Variants in EP400 observed in about 807,000 individuals in gnomAD.
EP400 encodes the protein E1A-binding protein p400.
In EP400, 105 loss-of-function variants were observed where a neutral mutation model predicts 354.1. The ratio of observed to expected loss-of-function variants is 0.30; its 90% CI spans 0.25 to 0.35. The LOEUF (loss-of-function observed/expected upper bound fraction) is 0.35. EP400 is among the 10% of genes least tolerant of loss of function. The pLI, the probability that EP400 is intolerant of heterozygous loss-of-function variation, is 1.00. For synonymous variants in EP400, 1,646 were observed against 1,716.9 expected (o/e 0.96, Z 1.02); for missense variants, 3,280 against 4,121.0 (o/e 0.80, Z 5.59).
At chr12:131,967,648 C>G (rs1892148634) in intron 2 of EP400, among the ~76,000 whole-genome samples, 2 of 151,634 alleles carry the variant, frequency 1.3e-5, no homozygotes, top group Non-Finnish European at 2.9e-5. Flanking sequence ...CAAGATGGCA[C>G]CACTGCACTC....
At chr12:132,034,884 C>T (rs1373722976) in intron 30 of EP400, among the ~76,000 whole-genome samples, 1 of 152,054 alleles carries the variant, frequency 6.6e-6, no homozygotes, top group Non-Finnish European at 1.5e-5. Context: ...ACCGCCTGAC[C>T]CACACAGACC....
intron 2 of EP400, among the ~76,000 whole-genome samples, chr12:131,964,478 A>C (rs1394466167): frequency 6.6e-6 from 1 of 152,164 alleles, no homozygotes; most frequent in South Asian, 2.1e-4. Context: ...AAAACAAACA[A>C]ACAAACAAAC....
chr12:132,057,641 A>G (rs1895556761), intron 45 of EP400, among the ~76,000 whole-genome samples: 1 of 152,218 alleles, frequency 6.6e-6, no homozygotes, highest in Non-Finnish European at 1.5e-5. Flanking sequence ...AGTAGAATAT[A>G]TATACACACA....
In EP400 at chr12:132,025,726, C is replaced by T; in HGVS notation, c.4936C>T (p.Gln1646Ter). The T allele has an allele frequency of 6.2e-7, 1 of 1,613,112 alleles. No individual in the cohort carries two copies. Among genetic ancestry groups the T allele is most frequent in the Non-Finnish European group, 8.5e-7 (1 of 1,179,822 alleles). ...CCCTGTGGTGATGCAGACCGTGTCT[C>T]AGGCGGGCGCTGTGCACGGCGCCCT... ...PGPVVMQTVS[Q>*]AGAVHGALGS... is the part of the protein sequence containing the mutation. The change falls in exon 25 of 53, where the codon CAG becomes TAG. Residue 1646 changes from glutamine to a stop codon, truncating the protein, a stop_gained. Transcript: ENST00000389561. LOFTEE classifies it high-confidence loss of function. The surrounding 1 kb of genome is among the most constrained non-coding windows in gnomAD (Gnocchi z 4.1).
At chr12:131,991,134 TTTGCCTCTGAGGACACCC>T (rs1256526838) in intron 9 of EP400, among the ~76,000 whole-genome samples, 1 of 152,180 alleles carries the variant, frequency 6.6e-6, no homozygotes, top group Non-Finnish European at 1.5e-5. Flanking sequence ...CACTGTTTCC[TTTGCCTCTGAGGACACCC>T]CCAGGAGGGT....
intron 32 of EP400, among the ~76,000 whole-genome samples, chr12:132,039,705 G>A (rs960159592): frequency 5.9e-5 from 9 of 152,204 alleles, no homozygotes; most frequent in African/African-American, 1.9e-4. Context: ...GTTTTAAGGA[G>A]GTAATACATG....
rs971580238 is a variant in EP400, at chr12:132,077,873, T to C, written c.*200T>C. ...GGTCCTTATGGAGTGCCGCGTTCTC[T>C]GTACTACGTGGCTCATGGAAAAAGT... On this transcript the variant is annotated 3_prime_UTR_variant, in exon 53 of 53. Transcript: ENST00000389561. 2 of 703,282 alleles carry C rather than the reference T, an allele frequency of 2.8e-6. No individual in the cohort carries two copies. Among genetic ancestry groups the C allele is most frequent in the Middle Eastern group, 4.1e-4 (1 of 2,450 alleles). 43.6% of individuals were successfully genotyped at this position (703,282 alleles called of 1,614,324 possible).
rs1895830753 is a variant in EP400 at position 132,064,716 on chromosome 12, C to T, written c.8383C>T (p.Pro2795Ser). The T allele has an allele frequency of 1.2e-6, 2 of 1,613,722 alleles. No homozygotes were observed. Among genetic ancestry groups the T allele is most frequent in the Non-Finnish European group, 1.7e-6 (2 of 1,179,818 alleles). The change falls in exon 48 of 53, where the codon CCC becomes TCC. Residue 2795 changes from proline (P) to serine (S), a missense_variant. Pro to Ser is a moderately conservative substitution (Grantham distance 74, BLOSUM62 -1). Around this residue, in one of 20 missense-constraint regions of EP400, gnomAD observed 86 missense variants for 66.4 expected, o/e 1.29. Transcript: ENST00000389561. The part of the protein sequence containing the change: ...QKQKLQMPPQ[P>S]PPPQAQSAPP... ...GCAGAAACTGCAGATGCCCCCGCAG[C>T]CCCCACCGCCACAGGCCCAGTCTGC...
intron 1 of EP400, among the ~76,000 whole-genome samples, chr12:131,954,674 G>A (rs1017354229): frequency 2.4e-4 from 31 of 127,064 alleles, no homozygotes; most frequent in African/African-American, 8.9e-4. Context: ...GCAGTGAGCC[G>A]AAATCACGCC....
Position 131,961,625 on chromosome 12 carries a change from C to G in EP400, c.1006C>G (p.Leu336Val), listed in dbSNP as rs758109869. Reference protein sequence around the residue: ...AVPPGLSSLPLTSVGNTGMKK... With the variant: ...AVPPGLSSLPVTSVGNTGMKK... ...GCCCCCAGGCCTTTCCAGCCTCCCA[C>G]TCACGTCTGTGGGGAACACGGGAAT... is the stretch of plus-strand genomic sequence containing the variant. Residue 336 changes from leucine to valine, a missense_variant, in exon 2 of 53, where the codon CTC (leucine) becomes GTC (valine). Around this residue, in one of 20 missense-constraint regions of EP400, gnomAD observed 85 missense variants for 180.3 expected, o/e 0.47. Coordinates refer to ENST00000389561, the MANE Select transcript of EP400 (RefSeq NM_015409.5). 8.8e-6 allele frequency: 14 copies of G among 1,590,372 alleles called. No individual in the cohort carries two copies. The highest frequency in any genetic ancestry group is 7.9e-5 in the South Asian group (7 of 88,810).
rs368738754 is a variant in EP400, at chr12:132,045,134, A to G, written c.6784+181A>G. Among the ~76,000 whole-genome samples the G allele has an allele frequency of 4.6e-5, 7 of 152,342 alleles. No individual in the cohort carries two copies. The South Asian group carries it at 1.2e-3, about 27-fold the overall frequency. ...ACAGGTTATGTTGTTTCCAGTGAGG[A>G]AACCTTCGTGTTTCATTCTAATTGA... On this transcript the variant is annotated intron_variant, in intron 37 of 52. Transcript: ENST00000389561.
At chr12:132,031,598 G>A (rs1489257869) in intron 29 of EP400, among the ~76,000 whole-genome samples, 2 of 152,164 alleles carry the variant, frequency 1.3e-5, no homozygotes, top group East Asian at 1.9e-4. Flanking sequence ...CTGCTCTGTC[G>A]CCGAGGCTGG....
At chr12:131,966,340 A>G (rs1028589609) in intron 2 of EP400, among the ~76,000 whole-genome samples, 6 of 152,100 alleles carry the variant, frequency 3.9e-5, no homozygotes, top group Non-Finnish European at 5.9e-5. Flanking sequence ...TGGGAGGCCT[A>G]CATGGGTGGA....
In EP400 at chr12:131,960,609, G is replaced by A; in HGVS notation, c.-11G>A. 6.3e-7 allele frequency: 1 copy of A among 1,580,212 alleles called. No individual in the cohort carries two copies. Among genetic ancestry groups the A allele is most frequent in the Non-Finnish European group, 8.6e-7 (1 of 1,163,524 alleles). On this transcript the variant is annotated 5_prime_UTR_variant, in exon 2 of 53. Coordinates refer to ENST00000389561, the MANE Select transcript of EP400 (RefSeq NM_015409.5). ...GGAGAACGACACATTGGATACAGAAGGGAGGTGATCATGCACCATGGCACT... is the reference window on the plus strand; with the variant it reads ...GGAGAACGACACATTGGATACAGAAAGGAGGTGATCATGCACCATGGCACT...
chr12:131,999,542 G>C (rs965143838), intron 12 of EP400, among the ~76,000 whole-genome samples: 1 of 152,156 alleles, frequency 6.6e-6, no homozygotes, highest in East Asian at 1.9e-4. Flanking sequence ...GGGTTCAAGC[G>C]ATTCTCCTGC....
At position 131,978,918 on chromosome 12, in the gene EP400, T is replaced by C. The variant is rs118145583; in HGVS notation, c.1336-776T>C. ...TAGGGTGCTAACTATAAAAATATCC[T>C]TTTAAAGCTCTAAGTTGGCTGGGTG... On this transcript the variant is annotated intron_variant, in intron 2 of 52. Transcript: ENST00000389561. 3.9e-3 allele frequency among the ~76,000 whole-genome samples: 589 copies of C among 152,292 alleles called. 3 individuals carry two copies. The highest frequency in any genetic ancestry group is 0.015 in the South Asian group (73 of 4,826).
rs767913284 is a variant in EP400, at chr12:132,006,254, G to C, written c.3078G>C (p.Ala1026=). Residue 1026 remains alanine (A), a synonymous_variant, in exon 14 of 53, where the codon GCG becomes GCC. Transcript: ENST00000389561. ...CCAAGGACATTGCGGACGTCACTGC[G>C]GTGGCTGAAGCCATCCTGCCGAAGG... ...PNAKDIADVT[A]VAEAILPKGS... 8.7e-6 allele frequency: 14 copies of C among 1,614,104 alleles called. No homozygotes were observed. In the East Asian group the frequency reaches 3.1e-4, roughly 36 times the overall value.
Position 132,052,537 on chromosome 12 carries a change from C to T in EP400, c.7395-609C>T, listed in dbSNP as rs1391460664. Among the ~76,000 whole-genome samples, 1 of 152,242 alleles carries T rather than the reference C, an allele frequency of 6.6e-6. No individual in the cohort carries two copies. The highest frequency in any genetic ancestry group is 1.5e-5 in the Non-Finnish European group (1 of 68,044). On this transcript the variant is annotated intron_variant, in intron 41 of 52. Coordinates refer to ENST00000389561, the MANE Select transcript of EP400 (RefSeq NM_015409.5). The surrounding 1 kb of genome is among the most constrained non-coding windows in gnomAD (Gnocchi z 4.4). The stretch of plus-strand genomic sequence containing the variant: ...TGCAGCCCCGCCCTGCTGTTTTCCT[C>T]CATAGCAGCCAGTACGTCTTCAGAC...
chr12:131,954,395 C>T (rs1891621987), intron 1 of EP400, among the ~76,000 whole-genome samples: 1 of 151,286 alleles, frequency 6.6e-6, no homozygotes, highest in Admixed American at 6.6e-5. Context: ...CGAGACCAGC[C>T]TGGGGAATAT....
Sources: allele counts gnomAD v4.1 joint callset (sites outside exome capture counted in the v4.1 genomes callset), GRCh38; gene constraint gnomAD v4.1.1; regional missense constraint gnomAD v4.1.1; non-coding constraint Gnocchi (gnomAD v3.1); transcripts MANE v1.5; gene names NCBI Gene and HGNC (gene_info 2026-07-23, HGNC 2026-07-21).